The following NAA15 variants were observed in gnomAD, a reference collection of about 807,000 sequenced individuals.
NAA15 encodes the protein N-terminal acetyltransferase.
Under a neutral mutation model 114.0 loss-of-function variants are expected in NAA15, and 34 were observed. The observed-to-expected ratio is 0.30, with a 90% CI of 0.23 to 0.40. The LOEUF (loss-of-function observed/expected upper bound fraction) is 0.40, where lower values mean the gene tolerates loss of function less well. Ranked by LOEUF, NAA15 falls within the 10% of genes least tolerant of loss-of-function variation. NAA15 has a pLI of 1.00. For missense variants in NAA15, 658 were observed against 1,004.5 expected (o/e 0.66, Z 4.66); for synonymous variants, 340 against 338.0 (o/e 1.01, Z -0.06).
chr4:139,304,352 A>G (rs1452189740), intron 1 of NAA15, among the ~76,000 whole-genome samples: 3 of 152,264 alleles, frequency 2.0e-5, no homozygotes, highest in Non-Finnish European at 4.4e-5. Context: ...ATGGTTCATT[A>G]TTATAACATT....
chr4:139,332,381 G>A (rs538213217), intron 1 of NAA15, among the ~76,000 whole-genome samples: 1 of 151,080 alleles, frequency 6.6e-6, no homozygotes, highest in Admixed American at 6.6e-5. Context: ...TGCCCGCCTC[G>A]GCCTCCAAAA....
At chr4:139,306,742 A>G (rs755292163) in intron 1 of NAA15, among the ~76,000 whole-genome samples, 1 of 152,168 alleles carries the variant, frequency 6.6e-6, no homozygotes, top group Non-Finnish European at 1.5e-5. Context: ...GTTACCAGAT[A>G]TTTATACCAC....
intron 2 of NAA15, among the ~76,000 whole-genome samples, chr4:139,336,495 G>A (rs889169403): frequency 1.3e-5 from 2 of 151,932 alleles, no homozygotes; most frequent in African/African-American, 4.8e-5. Context: ...TCAAGATAAA[G>A]TTTTTATATT....
chr4:139,347,283 A>G (rs913793129), intron 6 of NAA15, among the ~76,000 whole-genome samples: 2 of 152,110 alleles, frequency 1.3e-5, no homozygotes, highest in Non-Finnish European at 2.9e-5. Context: ...GTCTTCAGAC[A>G]TTGCTAAATG....
rs566281300 is a variant in NAA15 at position 139,342,048 on chromosome 4, C to A, written c.403-778C>A. 3.3e-5 allele frequency among the ~76,000 whole-genome samples: 5 copies of A among 152,258 alleles called. No homozygotes were observed. In the East Asian group the frequency reaches 9.6e-4, roughly 29 times the overall value. ...AAAACAAATGTTTTGTTTCTTCTTT[C>A]TACCTCCACTGACTCTAATATATTT... On this transcript the variant is annotated intron_variant, in intron 4 of 19. Coordinates refer to ENST00000296543, the MANE Select transcript of NAA15 (RefSeq NM_057175.5).
intron 5 of NAA15, 96 bp downstream of exon 5, chr4:139,343,056 C>A (rs1355109061): frequency 1.1e-5 from 12 of 1,141,482 alleles, no homozygotes; most frequent in Non-Finnish European, 1.4e-5. Flanking sequence ...GAAATAGTTT[C>A]AAACTTATAG....
At chr4:139,374,292 T>C (rs1158531864) in intron 15 of NAA15, among the ~76,000 whole-genome samples, 1 of 152,212 alleles carries the variant, frequency 6.6e-6, no homozygotes, top group African/African-American at 2.4e-5. Context: ...TTAACCTAAG[T>C]GAACTCAACT....
At chr4:139,315,056 T>TTAGGTTAGGTTAGGTTAGGTTAGG (rs1560953050) in intron 1 of NAA15, among the ~76,000 whole-genome samples, 18 of 41,108 alleles carry the variant, frequency 4.4e-4, no homozygotes, top group East Asian at 1.0e-3. Context: ...GTTAGGTTAG[T>TTAGGTTAGGTTAGGTTAGGTTAGG]TTAGTTTAGT....
chr4:139,371,472 C>A (rs1748434669), intron 15 of NAA15, among the ~76,000 whole-genome samples: 2 of 117,390 alleles, frequency 1.7e-5, no homozygotes, highest in African/African-American at 3.0e-5. Flanking sequence ...GACTCTGTCT[C>A]TTAAAAAAAA....
rs987614345 is a variant in NAA15 at position 139,358,409 on chromosome 4, T to C, written c.1257+854T>C. On this transcript the variant is annotated intron_variant, in intron 11 of 19. Transcript: ENST00000296543. ...TGGAGTTTCGCCATGTTGGCTAGGC[T>C]GGTCTCGAACTCCTGGCCTAAAGTG... 6.1e-4 allele frequency among the ~76,000 whole-genome samples: 93 copies of C among 152,144 alleles called. 4 individuals are homozygous for C. Among genetic ancestry groups the C allele is most frequent in the Non-Finnish European group, 4.4e-5 (3 of 68,018 alleles).
chr4:139,304,534 A>G (rs1173418759), intron 1 of NAA15, among the ~76,000 whole-genome samples: 7 of 152,342 alleles, frequency 4.6e-5, no homozygotes, highest in South Asian at 4.1e-4. Context: ...GTGGTGTAGT[A>G]TTTGCATATA....
At chr4:139,317,385 C>G (rs1011094932) in intron 1 of NAA15, among the ~76,000 whole-genome samples, 1 of 151,902 alleles carries the variant, frequency 6.6e-6, no homozygotes, top group African/African-American at 2.4e-5. Flanking sequence ...GCACTTTGGG[C>G]GGCCGAGGCG....
chr4:139,356,877 A>G (rs996208107), intron 10 of NAA15, among the ~76,000 whole-genome samples: 1 of 152,054 alleles, frequency 6.6e-6, no homozygotes, highest in Non-Finnish European at 1.5e-5. Flanking sequence ...CATATTCAGC[A>G]TATTAAAATA....
chr4:139,356,328 T>C (rs1265634364), intron 10 of NAA15, among the ~76,000 whole-genome samples: 2 of 152,208 alleles, frequency 1.3e-5, no homozygotes, highest in East Asian at 3.8e-4. Context: ...TCAATTGTTT[T>C]TCCTAGGAGT....
intron 1 of NAA15, among the ~76,000 whole-genome samples, chr4:139,317,303 A>C (rs1330983518): frequency 6.6e-6 from 1 of 151,160 alleles, no homozygotes; most frequent in African/African-American, 2.4e-5. Context: ...TATGGTTTTT[A>C]TGAGGATTTG....
At chr4:139,309,731 T>G (rs553111096) in intron 1 of NAA15, among the ~76,000 whole-genome samples, 3 of 152,318 alleles carry the variant, frequency 2.0e-5, no homozygotes, top group South Asian at 4.1e-4. Flanking sequence ...AAAAATTCTT[T>G]TGCGTCAATA....
At chr4:139,304,192 A>C (rs983704666) in intron 1 of NAA15, among the ~76,000 whole-genome samples, 1 of 152,230 alleles carries the variant, frequency 6.6e-6, no homozygotes, top group African/African-American at 2.4e-5. Context: ...TGCTGCTATT[A>C]CAGGCGTCAG....
rs779760894 is a variant in NAA15 at position 139,387,940 on chromosome 4, A to C, written c.2457A>C (p.Glu819Asp). The change falls in exon 20 of 20, where the codon GAA (glutamate) becomes GAC (aspartate). Residue 819 changes from glutamate to aspartate, a missense_variant. Coordinates refer to ENST00000296543, the MANE Select transcript of NAA15 (RefSeq NM_057175.5). ...LYDGSLGDCK[E>D]AAEIYRANCH... Reference sequence around the variant, plus strand: ...ATGGTAGCCTAGGAGACTGTAAAGAAGCTGCTGAAATTTATAGAGCAAATT... The same window carrying C: ...ATGGTAGCCTAGGAGACTGTAAAGACGCTGCTGAAATTTATAGAGCAAATT... 6.2e-7 allele frequency: 1 copy of C among 1,614,068 alleles called. No individual in the cohort carries two copies. Among genetic ancestry groups the C allele is most frequent in the Non-Finnish European group, 8.5e-7 (1 of 1,179,956 alleles).
intron 2 of NAA15, among the ~76,000 whole-genome samples, chr4:139,334,482 G>T (rs529749705): frequency 3.3e-4 from 46 of 140,500 alleles, no homozygotes; most frequent in African/African-American, 1.2e-3. Flanking sequence ...TATTACCTCT[G>T]TAGGAAAAGA....
Sources: allele counts gnomAD v4.1 joint callset (sites outside exome capture counted in the v4.1 genomes callset), GRCh38; gene constraint gnomAD v4.1.1; transcripts MANE v1.5; gene names NCBI Gene and HGNC (gene_info 2026-07-23, HGNC 2026-07-21).